Variants in ZNF804B observed in about 807,000 individuals in gnomAD.
The protein encoded by ZNF804B is zinc finger protein 804B.
ZNF804B carries 80 observed loss-of-function variants against 101.4 expected under a neutral mutation model. The observed-to-expected ratio is 0.79, with a 90% confidence interval of 0.66 to 0.95. The LOEUF (loss-of-function observed/expected upper bound fraction) is 0.95, where lower values mean the gene tolerates loss of function less well. ZNF804B is among the 40% of genes least tolerant of loss of function. The pLI is 0.00. For synonymous variants in ZNF804B, 622 were observed against 558.8 expected (o/e 1.11, Z -1.59); for missense variants, 1,673 against 1,561.9 (o/e 1.07, Z -1.20).
chr7:89,017,191 C>T (rs1050198197), intron 1 of ZNF804B, among the ~76,000 whole-genome samples: 2 of 152,134 alleles, frequency 1.3e-5, no homozygotes, highest in Non-Finnish European at 1.5e-5. Context: ...GATATTGTAT[C>T]GTGAGACTTT....
rs79797181 is a variant in ZNF804B at position 89,157,184 on chromosome 7, G to A, written c.109-60971G>A. On this transcript the variant is annotated intron_variant, in intron 1 of 3. Coordinates refer to ENST00000333190, the MANE Select transcript of ZNF804B (RefSeq NM_181646.5). ...TTCCTGTGAATATGGGATACATTTA[G>A]GTTGGACATAGTTAGGTTCAATATT... Among the ~76,000 whole-genome samples, 298 of 152,250 alleles carry A rather than the reference G, an allele frequency of 2.0e-3. 10 individuals carry two copies. In the East Asian group the frequency reaches 0.048, roughly 25 times the overall value.
chr7:89,132,231 T>C (rs1790564136), intron 1 of ZNF804B, among the ~76,000 whole-genome samples: 1 of 150,792 alleles, frequency 6.6e-6, no homozygotes, highest in Admixed American at 6.6e-5. Flanking sequence ...AATTAAGTGC[T>C]ACATTATAGA....
intron 1 of ZNF804B, among the ~76,000 whole-genome samples, chr7:88,955,799 C>T (rs1042611410): frequency 2.6e-5 from 4 of 151,628 alleles, no homozygotes; most frequent in African/African-American, 9.7e-5. Context: ...AAACAATCAA[C>T]AGAGTGAAAA....
At chr7:89,297,930 TA>T (rs1181329008) in intron 2 of ZNF804B, among the ~76,000 whole-genome samples, 1 of 150,878 alleles carries the variant, frequency 6.6e-6, no homozygotes, top group Non-Finnish European at 1.5e-5. Flanking sequence ...TCTTTAGAGA[TA>T]TTGTTTCCTG....
At chr7:88,961,899 G>T in intron 1 of ZNF804B, among the ~76,000 whole-genome samples, 1 of 151,160 alleles carries the variant, frequency 6.6e-6, no homozygotes, top group East Asian at 2.0e-4. Flanking sequence ...CTATGAAAAG[G>T]GGACTTCATA....
In ZNF804B at chr7:88,940,251, A is replaced by C. The variant is rs570145731; in HGVS notation, c.108+180167A>C. Among the ~76,000 whole-genome samples the C allele has an allele frequency of 2.6e-5, 4 of 152,152 alleles. No individual in the cohort carries two copies. In the South Asian group the frequency reaches 8.3e-4, roughly 32 times the overall value. On this transcript the variant is annotated intron_variant, in intron 1 of 3. Coordinates refer to ENST00000333190, the MANE Select transcript of ZNF804B (RefSeq NM_181646.5). ...ATCCAAGAATCAAATAAAAAAGTAT[A>C]ATGGCAATTATTAAATGTTTAAATC... is the stretch of plus-strand genomic sequence containing the variant.
chr7:89,070,495 T>A (rs1789519815), intron 1 of ZNF804B, among the ~76,000 whole-genome samples: 1 of 152,162 alleles, frequency 6.6e-6, no homozygotes, highest in South Asian at 2.1e-4. Context: ...AGAATCAGGC[T>A]GCTGTCTGCT....
At chr7:89,034,272 T>C (rs1214816808) in intron 1 of ZNF804B, among the ~76,000 whole-genome samples, 1 of 152,138 alleles carries the variant, frequency 6.6e-6, no homozygotes, top group East Asian at 1.9e-4. Context: ...TATTTATTTA[T>C]TTTTATTCTA....
chr7:89,096,072 G>A (rs1280623115), intron 1 of ZNF804B, among the ~76,000 whole-genome samples: 2 of 151,566 alleles, frequency 1.3e-5, no homozygotes, highest in Non-Finnish European at 2.9e-5. Flanking sequence ...GGAGAATGGC[G>A]TGAACCCAGG....
chr7:89,208,328 C>T (rs1399815305), intron 1 of ZNF804B, among the ~76,000 whole-genome samples: 3 of 152,106 alleles, frequency 2.0e-5, no homozygotes, highest in Non-Finnish European at 4.4e-5. Flanking sequence ...GTGATCCACC[C>T]GCCTTGGCCT....
rs1791073124 is a variant in ZNF804B, at chr7:89,335,821, T to G, written c.2839T>G (p.Ser947Ala). 6.2e-7 allele frequency: 1 copy of G among 1,613,958 alleles called. No individual in the cohort carries two copies. The highest frequency in any genetic ancestry group is 1.3e-5 in the African/African-American group (1 of 74,916). ...CQEQSSNVEI[S>A]SNSCKSELEA... Reference sequence around the variant, plus strand: ...AGAACAATCAAGTAATGTTGAGATCTCTTCAAACAGTTGTAAAAGTGAATT... The same window carrying G: ...AGAACAATCAAGTAATGTTGAGATCGCTTCAAACAGTTGTAAAAGTGAATT... Residue 947 changes from serine (S) to alanine (A), a missense_variant, in exon 4 of 4, where the codon TCT becomes GCT. Transcript: ENST00000333190.
At chr7:88,996,708 A>T (rs899927261) in intron 1 of ZNF804B, among the ~76,000 whole-genome samples, 1 of 152,162 alleles carries the variant, frequency 6.6e-6, no homozygotes, top group Admixed American at 6.6e-5. Context: ...GCTTTGTCTT[A>T]TACATGAATT....
chr7:89,182,191 A>C (rs1181812797), intron 1 of ZNF804B, among the ~76,000 whole-genome samples: 2 of 152,206 alleles, frequency 1.3e-5, no homozygotes, highest in African/African-American at 4.8e-5. Context: ...TTCAAGAAGC[A>C]TAGTATTGTG....
intron 1 of ZNF804B, among the ~76,000 whole-genome samples, chr7:88,931,259 A>G (rs1262883063): frequency 6.6e-6 from 1 of 151,980 alleles, no homozygotes; most frequent in African/African-American, 2.4e-5. Flanking sequence ...TCAAATCCAT[A>G]GTTAATTCAT....
intron 1 of ZNF804B, among the ~76,000 whole-genome samples, chr7:88,935,582 C>T (rs1260534238): frequency 6.6e-6 from 1 of 151,586 alleles, no homozygotes; most frequent in Non-Finnish European, 1.5e-5. Flanking sequence ...GTAGGGTGGG[C>T]ACCTTCCACA....
chr7:89,140,608 A>G (rs1790702835), intron 1 of ZNF804B, among the ~76,000 whole-genome samples: 1 of 152,012 alleles, frequency 6.6e-6, no homozygotes, highest in South Asian at 2.1e-4. Flanking sequence ...CTCCTAATGA[A>G]CCAACCTCTG....
chr7:89,280,549 G>T (rs1011722761), intron 2 of ZNF804B, among the ~76,000 whole-genome samples: 1 of 151,968 alleles, frequency 6.6e-6, no homozygotes, highest in Admixed American at 6.6e-5. Flanking sequence ...TCAAATAGAC[G>T]CAATAAAAAA....
intron 2 of ZNF804B, among the ~76,000 whole-genome samples, chr7:89,316,826 G>A (rs931947842): frequency 2.0e-5 from 3 of 151,830 alleles, no homozygotes; most frequent in Admixed American, 6.6e-5. Flanking sequence ...TGAGCAGCAC[G>A]GAGGCATGAA....
chr7:88,969,901 A>G (rs1338363339), intron 1 of ZNF804B, among the ~76,000 whole-genome samples: 1 of 151,666 alleles, frequency 6.6e-6, no homozygotes, highest in Admixed American at 6.6e-5. Context: ...AATATAACAT[A>G]TAATAGAATT....
Sources: gnomAD v4.1 joint callset for allele counts (sites outside exome capture counted in the v4.1 genomes callset) on GRCh38, gnomAD v4.1.1 for gene constraint, MANE v1.5 for transcripts, NCBI Gene and HGNC (gene_info 2026-07-23, HGNC 2026-07-21) for gene names.